ECPAS: variants seen among roughly 807,000 people sequenced by gnomAD.
The protein encoded by ECPAS is Ecm29 proteasome adaptor and scaffold, also known as proteasome adapter and scaffold protein ECM29.
A neutral mutation model predicts 255.1 loss-of-function variants in ECPAS; 70 were observed. The observed-to-expected ratio is 0.27, with a 90% CI of 0.23 to 0.33. The LOEUF is 0.33. Ranked by LOEUF, ECPAS falls within the 10% of genes least tolerant of loss-of-function variation. ECPAS has a pLI of 1.00. For synonymous variants in ECPAS, 784 were observed against 775.0 expected, an observed-to-expected ratio of 1.01 and a Z score of -0.19; for missense variants, 1,817 against 2,206.4, an observed-to-expected ratio of 0.82 and a Z score of 3.54.
intron 49 of ECPAS, among the ~76,000 whole-genome samples, chr9:111,362,399 A>C (rs1447610554): frequency 6.6e-6 from 1 of 152,104 alleles, no homozygotes; most frequent in Non-Finnish European, 1.5e-5. Context: ...CACATCAGGG[A>C]GTTTCCTCTC....
At chr9:111,374,193 TA>T (rs2098130758) in intron 38 of ECPAS, among the ~76,000 whole-genome samples, 155 bp from the exon 39 acceptor site, 1 of 152,164 alleles carries the variant, frequency 6.6e-6, no homozygotes, top group South Asian at 2.1e-4. Context: ...ACTCTTAAAC[TA>T]GTAATGCAGC....
chr9:111,366,299 C>G lies in ECPAS; in HGVS notation c.5248G>C (p.Asp1750His), dbSNP rs574744422. Residue 1750 changes from aspartate to histidine, a missense_variant, in exon 48 of 50, where the codon GAT (aspartate) becomes CAT (histidine). Transcript: ENST00000684092. ...AGAATTTCAGCCAAAGCCTCAGGAT[C>G]GGCATGTTCTTCTTCCAAAAGCATT... is the stretch of plus-strand genomic sequence containing the variant. ...GLMLLEEEHA[D>H]PEALAEILLE... 1.3e-6 allele frequency: 2 copies of G among 1,577,974 alleles called. No homozygotes were observed. Among genetic ancestry groups the G allele is most frequent in the Non-Finnish European group, 1.7e-6 (2 of 1,160,372 alleles).
chr9:111,408,750 A>G, intron 23 of ECPAS, 78 bp from the exon 24 acceptor site: 1 of 824,814 alleles, frequency 1.2e-6, no homozygotes, highest in Non-Finnish European at 1.8e-6. Context: ...CCAAAATGAG[A>G]TGACAGGGAA....
chr9:111,361,926 A>T lies in ECPAS; in HGVS notation c.*104T>A. On this transcript the variant is annotated 3_prime_UTR_variant, in exon 50 of 50. Transcript: ENST00000684092. Reference sequence around the variant, plus strand: ...TTTTATTTCAGCCAAGGAATGATGCATGCTACAGATTAATCTTTACTTTTT... The same window carrying T: ...TTTTATTTCAGCCAAGGAATGATGCTTGCTACAGATTAATCTTTACTTTTT... 2 of 1,295,384 alleles carry T rather than the reference A, an allele frequency of 1.5e-6. No homozygotes were observed. The highest frequency in any genetic ancestry group is 1.1e-6 in the Non-Finnish European group (1 of 947,512). 80.2% of individuals were successfully genotyped at this position (1,295,384 alleles called of 1,614,324 possible). A position where few individuals can be genotyped will look rare whatever the true frequency, so the allele number is the denominator to read the frequency against.
chr9:111,414,690 C>G (rs759529086), intron 18 of ECPAS, 39 bp from the exon 19 acceptor site: 1 of 1,554,982 alleles, frequency 6.4e-7, no homozygotes, highest in African/African-American at 1.4e-5. Flanking sequence ...ATAAGCTTCT[C>G]GAAAAGTCAG....
chr9:111,362,177 A>AAAAAAAAAAAC lies in ECPAS; in HGVS notation c.5381-9_5381-8insGTTTTTTTTTT. On this transcript the variant is annotated splice_polypyrimidine_tract_variant and intron_variant, in intron 49 of 49. Coordinates refer to ENST00000684092, the MANE Select transcript of ECPAS (RefSeq NM_001364929.1). Reference sequence around the variant, plus strand: ...ATTCCCACTGTTTAGATTCTGCATGAAAAAAAAAAAACAAAAACAAAAAAA... The same window carrying AAAAAAAAAAAC: ...ATTCCCACTGTTTAGATTCTGCATGAAAAAAAAAAACAAAAAAAAAAACAAAAACAAAAAAA... 2.0e-6 allele frequency: 1 copy of AAAAAAAAAAAC among 505,660 alleles called. No individual in the cohort carries two copies. Among genetic ancestry groups the AAAAAAAAAAAC allele is most frequent in the Non-Finnish European group, 2.7e-6 (1 of 376,814 alleles). The allele number at this position is 505,660 out of a possible 1,614,324, so 31.3% of individuals were successfully genotyped here.
rs150688749 is a variant in ECPAS at position 111,445,685 on chromosome 9, G to A, written c.154-1191C>T. The stretch of plus-strand genomic sequence containing the variant: ...TCTGGGAGTTGTTTTTTGTTTGTTT[G>A]TTTTTATTATACTTTCAGTTTTAGG... On this transcript the variant is annotated intron_variant, in intron 3 of 49. Coordinates refer to ENST00000684092, the MANE Select transcript of ECPAS (RefSeq NM_001364929.1). Among the ~76,000 whole-genome samples the A allele has an allele frequency of 6.5e-3, 987 of 151,772 alleles. 3 individuals carry two copies. The highest frequency in any genetic ancestry group is 0.024 in the South Asian group (112 of 4,740).
chr9:111,394,247 G>A lies in ECPAS; in HGVS notation c.2835C>T (p.Ile945=), dbSNP rs749354102. The change falls in exon 26 of 50, where the codon ATC becomes ATT. Residue 945 remains isoleucine, a synonymous_variant. Transcript: ENST00000684092. ...GCCTCACGTGTGGGTTGGGGCTGAT[G>A]ATATGTTTATTTAAAATCACATCCA... ...WVLDVILNKH[I]ISPNPHVRQA... 1 of 1,604,040 alleles carries A rather than the reference G, an allele frequency of 6.2e-7. No individual in the cohort carries two copies. Among genetic ancestry groups the A allele is most frequent in the Non-Finnish European group, 8.5e-7 (1 of 1,175,002 alleles).
intron 9 of ECPAS, among the ~76,000 whole-genome samples, chr9:111,428,882 A>C (rs901401091): frequency 6.6e-6 from 1 of 152,158 alleles, no homozygotes; most frequent in Non-Finnish European, 1.5e-5. Flanking sequence ...TTGTAACATC[A>C]TTCTTCATGT....
Position 111,375,135 on chromosome 9 carries a change from C to CT in ECPAS, c.4087dup (p.Ser1363LysfsTer8), listed in dbSNP as rs1247840005. ...TACCTTAGTTCCAAGACCTACACCA[C>CT]TTCTGATCAGTTCACACAACCTAGG... is the stretch of plus-strand genomic sequence containing the variant. On this transcript the variant is annotated frameshift_variant, in exon 38 of 50. Transcript: ENST00000684092. LOFTEE classifies it high-confidence loss of function. 1 of 1,613,518 alleles carries CT rather than the reference C, an allele frequency of 6.2e-7. No homozygotes were observed. Among genetic ancestry groups the CT allele is most frequent in the Non-Finnish European group, 8.5e-7 (1 of 1,179,622 alleles).
At chr9:111,369,567 C>T (rs2098124881) in intron 45 of ECPAS, among the ~76,000 whole-genome samples, 1 of 152,172 alleles carries the variant, frequency 6.6e-6, no homozygotes, top group Admixed American at 6.5e-5. Flanking sequence ...ATGTAATCAA[C>T]TTAAAACACA....
intron 28 of ECPAS, 82 bp from the exon 29 acceptor site, chr9:111,391,906 G>A (rs745609127): frequency 1.0e-6 from 1 of 954,816 alleles, no homozygotes; most frequent in Non-Finnish European, 1.6e-6. Context: ...TTTACAAAGT[G>A]ATAAAACTTC....
chr9:111,411,733 G>C (rs573811271), intron 21 of ECPAS: 1 of 289,892 alleles, frequency 3.4e-6, no homozygotes. Context: ...ACGGTGGTAC[G>C]GCTGCAGGCT....
At chr9:111,425,150 C>T (rs1044622138) in intron 12 of ECPAS, among the ~76,000 whole-genome samples, 3 of 151,164 alleles carry the variant, frequency 2.0e-5, no homozygotes, top group Admixed American at 6.6e-5. Flanking sequence ...CATGCCATTG[C>T]ACTCCAGCCT....
chr9:111,433,445 C>T (rs2098233022), intron 7 of ECPAS, 73 bp from the exon 8 acceptor site: 4 of 1,520,844 alleles, frequency 2.6e-6, no homozygotes, highest in East Asian at 2.3e-5. Flanking sequence ...TACTGCTTAA[C>T]ATATCAGTGT....
At chr9:111,386,936 A>G (rs945322324) in intron 31 of ECPAS, among the ~76,000 whole-genome samples, 2 of 152,248 alleles carry the variant, frequency 1.3e-5, no homozygotes, top group African/African-American at 4.8e-5. Context: ...GCACCTTCTG[A>G]AGAAGCATCA....
intron 2 of ECPAS, among the ~76,000 whole-genome samples, chr9:111,470,235 T>C (rs2098285378): frequency 6.6e-6 from 1 of 151,972 alleles, no homozygotes; most frequent in African/African-American, 2.4e-5. Context: ...GATACCCTAA[T>C]CTGGAAACCC....
chr9:111,451,380 CATTT>C, intron 3 of ECPAS, 41 bp downstream of exon 3: 2 of 1,527,468 alleles, frequency 1.3e-6, no homozygotes, highest in Non-Finnish European at 1.8e-6. Context: ...AATGTATATT[CATTT>C]ATTCATCATT....
chr9:111,421,276 T>C (rs574486401), intron 15 of ECPAS, among the ~76,000 whole-genome samples: 2 of 152,252 alleles, frequency 1.3e-5, no homozygotes, highest in South Asian at 4.1e-4. Flanking sequence ...TCAGTCTAAT[T>C]CCATTAGGAC....
Sources: gnomAD v4.1 joint callset for allele counts (sites outside exome capture counted in the v4.1 genomes callset) on GRCh38, gnomAD v4.1.1 for gene constraint, MANE v1.5 for transcripts, NCBI Gene and HGNC (gene_info 2026-07-23, HGNC 2026-07-21) for gene names.